The following TRPM2 variants were observed in gnomAD, a reference collection of about 807,000 sequenced individuals.
TRPM2 encodes transient receptor potential cation channel subfamily M member 2.
TRPM2 carries 161 observed loss-of-function variants against 174.0 expected under a neutral mutation model. That is an observed-to-expected ratio of 0.93 (90% CI 0.81 to 1.05). The LOEUF (loss-of-function observed/expected upper bound fraction) is 1.05. Ranked by LOEUF, TRPM2 falls within the 50% of genes least tolerant of loss-of-function variation. The pLI is 0.00. For missense variants in TRPM2, 2,057 were observed against 2,038.0 expected (o/e 1.01, Z -0.18); for synonymous variants, 954 against 861.3 (o/e 1.11, Z -1.88).
rs765083715 is a variant in TRPM2, at chr21:44,376,946, C to G, written c.953-766C>G. On this transcript the variant is annotated intron_variant, in intron 6 of 31. Coordinates refer to ENST00000397928, the MANE Select transcript of TRPM2 (RefSeq NM_003307.4). This position sits in a 1 kb window ranked among gnomAD's most constrained non-coding sequence, Gnocchi z 4.2. ...GGACCAGGGACCACACTTTGAGAACCCTGCTTGACTAGTAGGAGCACGTTC... is the reference window on the plus strand; with the variant it reads ...GGACCAGGGACCACACTTTGAGAACGCTGCTTGACTAGTAGGAGCACGTTC... 4.0e-5 allele frequency among the ~76,000 whole-genome samples: 6 copies of G among 148,512 alleles called. No individual in the cohort carries two copies. The highest frequency in any genetic ancestry group is 7.5e-5 in the African/African-American group (3 of 39,996).
chr21:44,406,466 G>C (rs957293525), intron 18 of TRPM2, 128 bp from the exon 19 acceptor site: 17 of 1,187,242 alleles, frequency 1.4e-5, no homozygotes, highest in African/African-American at 4.6e-5. Flanking sequence ...ACTGCTCCTG[G>C]GAGCCTCCTG....
At chr21:44,352,818 T>TC (rs1187858477), upstream of TRPM2, among the ~76,000 whole-genome samples, 1 of 152,202 alleles carries the variant, frequency 6.6e-6, no homozygotes, top group African/African-American at 2.4e-5. Context: ...TCATTTGAAT[T>TC]ATTGTCTTTT....
At chr21:44,358,667 AGGACATTTGG>A (rs1459336781) in intron 2 of TRPM2, among the ~76,000 whole-genome samples, 4 of 152,204 alleles carry the variant, frequency 2.6e-5, no homozygotes, top group African/African-American at 9.6e-5. Context: ...GGAACATACA[AGGACATTTGG>A]GGCAGCATTG....
intron 7 of TRPM2, among the ~76,000 whole-genome samples, chr21:44,378,583 A>G (rs2048779192): frequency 6.6e-6 from 1 of 152,174 alleles, no homozygotes; most frequent in African/African-American, 2.4e-5. Context: ...CCTGCCAGAC[A>G]GCTTTGTGTC....
chr21:44,428,240 TC>T (rs1202498738), intron 27 of TRPM2, among the ~76,000 whole-genome samples: 1 of 152,188 alleles, frequency 6.6e-6, no homozygotes, highest in Admixed American at 6.5e-5. Flanking sequence ...TTAGTTTTTT[TC>T]ACTGAGACTT....
chr21:44,404,451 C>T (rs901595495), intron 16 of TRPM2, among the ~76,000 whole-genome samples: 2 of 152,210 alleles, frequency 1.3e-5, no homozygotes, highest in Admixed American at 1.3e-4. Context: ...TGTACATACA[C>T]ATATATGCAC....
rs576052352 is a variant in TRPM2, at chr21:44,366,252, A to G, written c.424-502A>G. Reference sequence around the variant, plus strand: ...ACAGGGGCCACAGAGCAGAGGGGATAGGGCAGAGGGGACAGGAGAGGGGAC... The same window carrying G: ...ACAGGGGCCACAGAGCAGAGGGGATGGGGCAGAGGGGACAGGAGAGGGGAC... On this transcript the variant is annotated intron_variant, in intron 3 of 31. Coordinates refer to ENST00000397928, the MANE Select transcript of TRPM2 (RefSeq NM_003307.4). This position sits in a 1 kb window ranked among gnomAD's most constrained non-coding sequence, Gnocchi z 6.0. 6.8e-6 allele frequency among the ~76,000 whole-genome samples: 1 copy of G among 147,184 alleles called. No homozygotes were observed. The highest frequency in any genetic ancestry group is 2.6e-5 in the African/African-American group (1 of 38,622).
chr21:44,400,607 G>A (rs976128364), intron 15 of TRPM2, among the ~76,000 whole-genome samples: 1 of 152,230 alleles, frequency 6.6e-6, no homozygotes, highest in Admixed American at 6.5e-5. Context: ...TGATGAGCCC[G>A]TCCCTCAGCC....
chr21:44,351,044 T>A (rs1286905971), upstream of TRPM2, among the ~76,000 whole-genome samples: 2 of 151,830 alleles, frequency 1.3e-5, no homozygotes, highest in African/African-American at 2.4e-5. Flanking sequence ...CCACACGGTG[T>A]ACCGAGGGAG....
intron 2 of TRPM2, among the ~76,000 whole-genome samples, chr21:44,360,093 C>A (rs1172584831): frequency 1.3e-5 from 2 of 152,118 alleles, no homozygotes; most frequent in East Asian, 3.8e-4. Context: ...AAATTGGAAT[C>A]TAAAAATATG....
intron 9 of TRPM2, among the ~76,000 whole-genome samples, chr21:44,388,507 A>G (rs1373552129): frequency 6.6e-6 from 1 of 152,098 alleles, no homozygotes; most frequent in Non-Finnish European, 1.5e-5. Flanking sequence ...AACATTATGA[A>G]TATACTTAAG....
Position 44,399,536 on chromosome 21 carries a change from A to G in TRPM2, c.2208+95A>G, listed in dbSNP as rs2049543883. The G allele has an allele frequency of 4.7e-6, 7 of 1,484,726 alleles. No homozygotes were observed. Among genetic ancestry groups the G allele is most frequent in the Non-Finnish European group, 5.4e-6 (6 of 1,114,082 alleles). The allele number at this position is 1,484,726 out of a possible 1,614,324, so 92.0% of individuals were successfully genotyped here. A position where few individuals can be genotyped will look rare whatever the true frequency, so the allele number is the denominator to read the frequency against. On this transcript the variant is annotated intron_variant, in intron 14 of 31. Coordinates refer to ENST00000397928, the MANE Select transcript of TRPM2 (RefSeq NM_003307.4). The surrounding 1 kb of genome is among the most constrained non-coding windows in gnomAD (Gnocchi z 4.6). ...TCGTGCAGTTGGCACGCACACTCAC[A>G]CAGGCTTCAGGGCCCTCAGCAGCTC...
chr21:44,351,212 G>A (rs1434092902), upstream of TRPM2, among the ~76,000 whole-genome samples: 2 of 152,190 alleles, frequency 1.3e-5, no homozygotes, highest in African/African-American at 2.4e-5. Flanking sequence ...CTGGGCTCGC[G>A]TGCCAACGAG....
At chr21:44,407,196 G>C (rs559030432) in intron 19 of TRPM2, among the ~76,000 whole-genome samples, 8 of 11,630 alleles carry the variant, frequency 6.9e-4, no homozygotes, top group Non-Finnish European at 1.3e-3. Flanking sequence ...ACCCAGGCTG[G>C]AGTGCAGTGG....
chr21:44,393,999 A>G (rs1378627448), intron 11 of TRPM2, among the ~76,000 whole-genome samples: 1 of 152,012 alleles, frequency 6.6e-6, no homozygotes, highest in African/African-American at 2.4e-5. Flanking sequence ...AAGCCTCCCA[A>G]GTAGCTGGGA....
intron 11 of TRPM2, among the ~76,000 whole-genome samples, chr21:44,393,095 C>T (rs906202920): frequency 6.6e-5 from 10 of 152,150 alleles, no homozygotes; most frequent in African/African-American, 2.4e-4. Flanking sequence ...CCCTAGTCTC[C>T]ACCCTGATTC....
Position 44,382,820 on chromosome 21 carries a change from G to T in TRPM2, c.1318G>T (p.Ala440Ser). Residue 440 changes from alanine (A) to serine (S), a missense_variant and splice_region_variant, in exon 9 of 32, where the codon GCC becomes TCC. Ala to Ser is a moderately conservative substitution (Grantham distance 99). Transcript: ENST00000397928. ...GGCCATCTTGCAGGCCTTGCTGAAA[G>T]GTGAGGGTCAGGGAACATGGGGGCA... ...DVAILQALLK[A>S]SRSQDHFGHE... 6.2e-7 allele frequency: 1 copy of T among 1,612,488 alleles called. No homozygotes were observed.
chr21:44,366,982 C>T lies in TRPM2; in HGVS notation c.604+48C>T. On this transcript the variant is annotated intron_variant, in intron 4 of 31. Coordinates refer to ENST00000397928, the MANE Select transcript of TRPM2 (RefSeq NM_003307.4). This position sits in a 1 kb window ranked among gnomAD's most constrained non-coding sequence, Gnocchi z 6.0. ...ACGAGGCCCCGGCGGGTGGGGTGGGCTGTGGAGGCAGTGCTGGGGCAATCA... is the reference window on the plus strand; with the variant it reads ...ACGAGGCCCCGGCGGGTGGGGTGGGTTGTGGAGGCAGTGCTGGGGCAATCA... 6.5e-7 allele frequency: 1 copy of T among 1,528,806 alleles called. No individual in the cohort carries two copies. The highest frequency in any genetic ancestry group is 2.3e-5 in the East Asian group (1 of 43,602). 94.7% of individuals were successfully genotyped at this position (1,528,806 alleles called of 1,614,324 possible).
intron 28 of TRPM2, 86 bp downstream of exon 28, chr21:44,435,303 A>G: frequency 7.0e-7 from 1 of 1,426,634 alleles, no homozygotes. Flanking sequence ...CCCAGTGCTC[A>G]GGGGCCGGGA....
Sources: gnomAD v4.1 joint callset for allele counts (sites outside exome capture counted in the v4.1 genomes callset) on GRCh38, gnomAD v4.1.1 for gene constraint, Gnocchi (gnomAD v3.1) non-coding constraint, MANE v1.5 for transcripts, NCBI Gene and HGNC (gene_info 2026-07-23, HGNC 2026-07-21) for gene names.